MANEA: variants seen among roughly 807,000 people sequenced by gnomAD.
The protein encoded by MANEA is mannosidase endo-alpha, also known as glycoprotein endo-alpha-1,2-mannosidase.
A neutral mutation model predicts 36.8 loss-of-function variants in MANEA; 25 were observed. The observed-to-expected ratio is 0.68, with a 90% CI of 0.50 to 0.95. The LOEUF (loss-of-function observed/expected upper bound fraction) is 0.95. Ranked by LOEUF, MANEA falls within the 40% of genes least tolerant of loss-of-function variation. MANEA has a pLI of 0.00. For missense variants in MANEA, 565 were observed against 558.8 expected, an observed-to-expected ratio of 1.01 and a Z score of -0.11; for synonymous variants, 198 against 188.5, an observed-to-expected ratio of 1.05 and a Z score of -0.41.
At chr6:95,592,623 A>G (rs1769404243) in intron 2 of MANEA, among the ~76,000 whole-genome samples, 1 of 152,214 alleles carries the variant, frequency 6.6e-6, no homozygotes, top group Non-Finnish European at 1.5e-5. Flanking sequence ...CTATGAACAC[A>G]TAACAAGTTT....
At chr6:95,601,165 C>G (rs1273785023) in intron 3 of MANEA, among the ~76,000 whole-genome samples, 1 of 152,138 alleles carries the variant, frequency 6.6e-6, no homozygotes, top group South Asian at 2.1e-4. Flanking sequence ...AAGGCTGTTG[C>G]ACTTATAACT....
intron 1 of MANEA, among the ~76,000 whole-genome samples, chr6:95,584,414 C>T (rs1769240977): frequency 6.6e-6 from 1 of 152,120 alleles, no homozygotes; most frequent in African/African-American, 2.4e-5. Context: ...TAAGCGGCCG[C>T]TCTGGGAGTG....
chr6:95,598,001 T>C (rs1330553606), intron 3 of MANEA, among the ~76,000 whole-genome samples: 2 of 151,922 alleles, frequency 1.3e-5, no homozygotes, highest in Non-Finnish European at 2.9e-5. Context: ...TATATCAGTC[T>C]ATTTAAAATT....
chr6:95,596,776 A>T lies in MANEA; in HGVS notation c.584A>T (p.Asp195Val). The T allele has an allele frequency of 6.2e-7, 1 of 1,608,908 alleles. No individual in the cohort carries two copies. Among genetic ancestry groups the T allele is most frequent in the Non-Finnish European group, 8.5e-7 (1 of 1,175,564 alleles). The change falls in exon 3 of 5, where the codon GAT becomes GTT. Residue 195 changes from aspartate to valine, a missense_variant. Coordinates refer to ENST00000358812, the MANE Select transcript of MANEA (RefSeq NM_024641.4). ...TCTTGGTACCCACCTGATGTAAATG[A>T]TGAAAATGGAGAACCTACTGATAAC... The part of the protein sequence containing the change: ...ALSWYPPDVN[D>V]ENGEPTDNLV...
At chr6:95,595,191 C>G (rs4461741) in intron 2 of MANEA, among the ~76,000 whole-genome samples, 90,712 of 151,808 alleles carry the variant, frequency 0.6, 27,506 homozygotes, top group East Asian at 0.87. Flanking sequence ...ATAATTTTTT[C>G]GTAGGTCCCA....
At position 95,596,749 on chromosome 6, in the gene MANEA, T is replaced by C. The variant is rs146722907; in HGVS notation, c.557T>C (p.Leu186Pro). 2.5e-5 allele frequency: 39 copies of C among 1,591,286 alleles called. No homozygotes were observed. The African/African-American group carries it at 5.1e-4, about 21-fold the overall frequency. The change falls in exon 3 of 5, where the codon CTC becomes CCC. Residue 186 changes from leucine to proline, a missense_variant. Transcript: ENST00000358812. Reference sequence around the variant, plus strand: ...TCTTTTCTATTAGGTGTACTAGCCCTCTCTTGGTACCCACCTGATGTAAAT... The same window carrying C: ...TCTTTTCTATTAGGTGTACTAGCCCCCTCTTGGTACCCACCTGATGTAAAT... ...MRSASIGVLA[L>P]SWYPPDVNDE...
intron 1 of MANEA, among the ~76,000 whole-genome samples, chr6:95,582,876 C>T (rs976530354): frequency 6.6e-6 from 1 of 152,118 alleles, no homozygotes; most frequent in African/African-American, 2.4e-5. Flanking sequence ...TATATTGTCT[C>T]ATGGTTCCTC....
chr6:95,593,038 G>C (rs1206828948), intron 2 of MANEA, among the ~76,000 whole-genome samples: 5 of 152,178 alleles, frequency 3.3e-5, no homozygotes, highest in Non-Finnish European at 7.4e-5. Flanking sequence ...AATATTTCAA[G>C]AATGGACTTC....
intron 2 of MANEA, among the ~76,000 whole-genome samples, chr6:95,595,598 A>G (rs114180301): frequency 6.6e-6 from 1 of 152,078 alleles, no homozygotes; most frequent in Admixed American, 6.6e-5. Flanking sequence ...CTTAATTTCC[A>G]TATGCTTCTC....
Position 95,602,823 on chromosome 6 carries a change from A to G in MANEA, c.655-2004A>G, listed in dbSNP as rs1044548434. ...ATCATGAGGTCAGGAGATCGAGACC[A>G]TCCTGGCTAACAAGGTGAAACCCCG... is the stretch of plus-strand genomic sequence containing the variant. On this transcript the variant is annotated intron_variant, in intron 3 of 4. Transcript: ENST00000358812. Among the ~76,000 whole-genome samples the G allele has an allele frequency of 8.6e-5, 13 of 150,978 alleles. No individual in the cohort carries two copies. In the East Asian group the frequency reaches 1.8e-3, roughly 20 times the overall value.
chr6:95,587,269 A>T, intron 2 of MANEA: 1 of 354,704 alleles, frequency 2.8e-6, no homozygotes, highest in East Asian at 5.5e-5. Flanking sequence ...GATTTACATA[A>T]AATACAATGA....
intron 1 of MANEA, among the ~76,000 whole-genome samples, chr6:95,579,971 T>G (rs1431124993): frequency 6.6e-6 from 1 of 152,234 alleles, no homozygotes; most frequent in Non-Finnish European, 1.5e-5. Context: ...TTCTCTATGG[T>G]GACTTATAAT....
chr6:95,583,465 A>C (rs1167040523), intron 1 of MANEA, among the ~76,000 whole-genome samples: 1 of 152,132 alleles, frequency 6.6e-6, no homozygotes, highest in Non-Finnish European at 1.5e-5. Context: ...ATGTACCTGC[A>C]TGCCTTGATA....
intron 3 of MANEA, among the ~76,000 whole-genome samples, chr6:95,598,653 A>G (rs767493919): frequency 3.8e-4 from 58 of 152,160 alleles, no homozygotes; most frequent in Non-Finnish European, 5.7e-4. Flanking sequence ...CAACCATGGC[A>G]CAATGTGGGA....
Position 95,605,763 on chromosome 6 carries a change from G to T in MANEA, c.747G>T (p.Pro249=). The change falls in exon 5 of 5, where the codon CCG becomes CCT. Residue 249 remains proline, a synonymous_variant. Transcript: ENST00000358812. ...KYIIDKYGNH[P]AFYRYKTKTG... ...TATTTTCTAGATATGGAAATCATCC[G>T]GCCTTTTACAGGTACAAGACGAAGA... 6.2e-7 allele frequency: 1 copy of T among 1,606,034 alleles called. No homozygotes were observed. The highest frequency in any genetic ancestry group is 8.5e-7 in the Non-Finnish European group (1 of 1,174,392).
At chr6:95,594,679 A>G (rs1416536742) in intron 2 of MANEA, among the ~76,000 whole-genome samples, 1 of 152,210 alleles carries the variant, frequency 6.6e-6, no homozygotes, top group African/African-American at 2.4e-5. Flanking sequence ...CCCAGGAAGA[A>G]GATGCCTTCC....
rs779287955 is a variant in MANEA, at chr6:95,596,841, C to G, written c.649C>G (p.Leu217Val). 1 of 1,465,636 alleles carries G rather than the reference C, an allele frequency of 6.8e-7. No homozygotes were observed. The highest frequency in any genetic ancestry group is 2.3e-5 in the East Asian group (1 of 44,030). 90.8% of individuals were successfully genotyped at this position (1,465,636 alleles called of 1,614,324 possible). A position where few individuals can be genotyped will look rare whatever the true frequency, so the allele number is the denominator to read the frequency against. ...TTTGGATAAAGCTCATAAATATAAC[C>G]TAAAGGTATTTTATTTTATTTTCAA... is the stretch of plus-strand genomic sequence containing the variant. ...TILDKAHKYN[L>V]KVTFHIEPYS... The change falls in exon 3 of 5, where the codon CTA becomes GTA. Residue 217 changes from leucine to valine, a missense_variant. Leu to Val is a conservative substitution (Grantham distance 32). Transcript: ENST00000358812.
intron 1 of MANEA, 127 bp from the exon 2 acceptor site, chr6:95,586,274 CA>C: frequency 1.7e-6 from 1 of 598,702 alleles, no homozygotes; most frequent in Non-Finnish European, 2.9e-6. Context: ...TTAATTTCAC[CA>C]ATATGTGATG....
chr6:95,578,395 G>A (rs1208496252), intron 1 of MANEA, among the ~76,000 whole-genome samples: 7 of 152,128 alleles, frequency 4.6e-5, no homozygotes, highest in Admixed American at 3.3e-4. Flanking sequence ...ACAACAACAA[G>A]GGGGGGATAA....
Sources: gnomAD v4.1 joint callset for allele counts (sites outside exome capture counted in the v4.1 genomes callset) on GRCh38, gnomAD v4.1.1 for gene constraint, MANE v1.5 for transcripts, NCBI Gene and HGNC (gene_info 2026-07-23, HGNC 2026-07-21) for gene names.